ZDHHC24: variants seen among roughly 807,000 people sequenced by gnomAD.
ZDHHC24 encodes the protein probable palmitoyltransferase ZDHHC24.
Under a neutral mutation model 23.2 loss-of-function variants are expected in ZDHHC24, and 17 were observed. The ratio of observed to expected loss-of-function variants is 0.73; its 90% CI spans 0.50 to 1.10. ZDHHC24 has a LOEUF of 1.10. ZDHHC24 is among the 50% of genes least tolerant of loss of function. The probability of loss-of-function intolerance (pLI) is 0.00; values close to 1 mark genes in which losing one functional copy is unlikely to be tolerated. For synonymous variants in ZDHHC24, 186 were observed against 194.5 expected (o/e 0.96, Z 0.36); for missense variants, 366 against 393.0 (o/e 0.93, Z 0.58).
chr11:66,526,877 G>A, intron 4 of ZDHHC24: 1 of 1,612,884 alleles, frequency 6.2e-7, no homozygotes, highest in South Asian at 1.1e-5. Context: ...CTGGGGGAAT[G>A]CTGCCCAGCC....
chr11:66,531,921 C>T (rs1461570922), downstream of ZDHHC24: 8 of 1,568,464 alleles, frequency 5.1e-6, no homozygotes, highest in Non-Finnish European at 6.9e-6. Context: ...GGGGTGTATG[C>T]CCCCTGCTGC....
downstream of ZDHHC24, chr11:66,532,288 C>T (rs1006899523): frequency 5.4e-6 from 3 of 553,518 alleles, no homozygotes; most frequent in Non-Finnish European, 6.5e-6. Flanking sequence ...ACGCCCTCCC[C>T]TCCCCAGCCT....
At chr11:66,524,923 G>A (rs554342441) in intron 4 of ZDHHC24, among the ~76,000 whole-genome samples, 129 of 151,964 alleles carry the variant, frequency 8.5e-4, no homozygotes, top group African/African-American at 3.1e-3. Context: ...GGTATGGGCC[G>A]GGCACGGTGG....
In ZDHHC24 at chr11:66,527,889, A is replaced by G. The variant is rs74367020; in HGVS notation, c.737-883T>C. On this transcript the variant is annotated intron_variant, in intron 3 of 4. Coordinates refer to the ZDHHC24 transcript ENST00000526986. ...AAAGATGATAGCCAGACCCCCAGAC[A>G]GGGCAGGGCAGGGTAATATAGGCAG... 6.9e-3 allele frequency among the ~76,000 whole-genome samples: 1,056 copies of G among 152,192 alleles called. 61 individuals carry two copies. In the East Asian group the frequency reaches 0.14, roughly 20 times the overall value.
chr11:66,529,656 A>G (rs781366189), intron 2 of ZDHHC24, among the ~76,000 whole-genome samples: 2 of 151,834 alleles, frequency 1.3e-5, no homozygotes, highest in Non-Finnish European at 2.9e-5. Context: ...GAGTTTTGCC[A>G]GAAGGCTGGG....
At position 66,546,024 on chromosome 11, in the gene ZDHHC24, G is replaced by A. The variant is rs920330938; in HGVS notation, c.-21C>T. The stretch of plus-strand genomic sequence containing the variant: ...CCCATGGCCTGGACACCCAGCTGTC[G>A]GAGCCGGAGGACTAGGCCGCTTCCG... On this transcript the variant is annotated 5_prime_UTR_variant, in exon 1 of 3. Coordinates refer to ENST00000310442, the MANE Select transcript of ZDHHC24 (RefSeq NM_207340.3). 5.1e-6 allele frequency: 7 copies of A among 1,376,808 alleles called. No individual in the cohort carries two copies. The South Asian group carries it at 8.4e-5, about 17-fold the overall frequency. The allele number at this position is 1,376,808 out of a possible 1,614,324, so 85.3% of individuals were successfully genotyped here. A position where few individuals can be genotyped will look rare whatever the true frequency, so the allele number is the denominator to read the frequency against.
At chr11:66,530,786 TAGG>T, downstream of ZDHHC24, 3 of 1,478,790 alleles carry the variant, frequency 2.0e-6, no homozygotes, top group Admixed American at 1.7e-5. Context: ...GCAGATTGAG[TAGG>T]AGGAGGGGAC....
downstream of ZDHHC24, among the ~76,000 whole-genome samples, chr11:66,534,443 CAAAAAAAAAAAAA>C (rs1158925348): frequency 2.2e-4 from 6 of 26,828 alleles, no homozygotes; most frequent in East Asian, 3.0e-3. Context: ...AACTCTGTCT[CAAAAAAAAAAAAA>C]AAAAAAAAAA....
chr11:66,526,734 C>G, intron 4 of ZDHHC24: 1 of 1,614,224 alleles, frequency 6.2e-7, no homozygotes, highest in East Asian at 2.2e-5. Context: ...CAGCCCAGGC[C>G]ATGAAACTCA....
intron 4 of ZDHHC24, chr11:66,526,677 G>A: frequency 1.2e-6 from 2 of 1,614,218 alleles, no homozygotes; most frequent in Non-Finnish European, 1.7e-6. Flanking sequence ...AGATCCTGAA[G>A]CGTACAGCAG....
intron 2 of ZDHHC24, among the ~76,000 whole-genome samples, chr11:66,542,225 C>T (rs937692595): frequency 6.6e-6 from 1 of 152,072 alleles, no homozygotes; most frequent in Non-Finnish European, 1.5e-5. Context: ...GAAGGCCAGG[C>T]ATAGCCGAGG....
intron 4 of ZDHHC24, among the ~76,000 whole-genome samples, chr11:66,521,930 A>AG (rs1207054911): frequency 9.7e-5 from 12 of 123,472 alleles, no homozygotes; most frequent in Non-Finnish European, 1.7e-4. Context: ...AAAAAAAAGC[A>AG]GGGGGGTGCC....
At chr11:66,530,362 C>T (rs949306399) in intron 2 of ZDHHC24, among the ~76,000 whole-genome samples, 4 of 151,684 alleles carry the variant, frequency 2.6e-5, no homozygotes, top group Non-Finnish European at 4.4e-5. Flanking sequence ...CGGCCTCACC[C>T]GCAAGCACCG....
chr11:66,522,967 A>G (rs1167119279), intron 4 of ZDHHC24: 1 of 359,748 alleles, frequency 2.8e-6, no homozygotes, highest in East Asian at 7.3e-5. Context: ...AAAGTGGGAA[A>G]GACATTGGCG....
In ZDHHC24 at chr11:66,526,609, C is replaced by T. The variant is rs527954704; in HGVS notation, c.*21+327G>A. On this transcript the variant is annotated intron_variant, in intron 4 of 4. Transcript: ENST00000526986. ...AGAAAGAATGGGAATGTGGGTAGAA[C>T]TGGGGAGGACAAATCCATTTCCACT... is the stretch of plus-strand genomic sequence containing the variant. 50 of 1,613,660 alleles carry T rather than the reference C, an allele frequency of 3.1e-5. No individual in the cohort carries two copies. In the South Asian group the frequency reaches 5.2e-4, roughly 17 times the overall value.
At position 66,526,125 on chromosome 11, in the gene ZDHHC24, T is replaced by C; in HGVS notation, c.*21+811A>G. Reference sequence around the variant, plus strand: ...TAAACTCTGACGTCTCCACATAGGATGCAGTGACCAGCCTTTGCTTTGGCC... The same window carrying C: ...TAAACTCTGACGTCTCCACATAGGACGCAGTGACCAGCCTTTGCTTTGGCC... On this transcript the variant is annotated intron_variant, in intron 4 of 4. Coordinates refer to the ZDHHC24 transcript ENST00000526986. 1 of 1,614,204 alleles carries C rather than the reference T, an allele frequency of 6.2e-7. No individual in the cohort carries two copies.
rs2134871411 is a variant in ZDHHC24, at chr11:66,538,603, C to G, written c.*926G>C. ...ACTGTCTTCCCTCCTGTTTTCTTTC[C>G]CTTTGTATTATTTTTGATTTTCTTT... is the stretch of plus-strand genomic sequence containing the variant. On this transcript the variant is annotated 3_prime_UTR_variant, in exon 3 of 3. Transcript: ENST00000310442. The G allele has an allele frequency of 6.6e-6, 1 of 152,216 alleles. No homozygotes were observed. The highest frequency in any genetic ancestry group is 1.9e-4 in the East Asian group (1 of 5,186). 9.4% of individuals were successfully genotyped at this position (152,216 alleles called of 1,614,324 possible). A position where few individuals can be genotyped will look rare whatever the true frequency, so the allele number is the denominator to read the frequency against.
At chr11:66,531,137 C>G, downstream of ZDHHC24, 1 of 1,458,696 alleles carries the variant, frequency 6.9e-7, no homozygotes, top group African/African-American at 1.4e-5. Flanking sequence ...CGGGTGGCTG[C>G]CAGGTGGCCA....
Position 66,545,697 on chromosome 11 carries a change from C to T in ZDHHC24, c.281+26G>A. Reference sequence around the variant, plus strand: ...CCCCTGTCCAAGGCTCCCACTTCTCCCCGCCCGATCCCGCACCCCACTCAC... The same window carrying T: ...CCCCTGTCCAAGGCTCCCACTTCTCTCCGCCCGATCCCGCACCCCACTCAC... On this transcript the variant is annotated intron_variant, in intron 1 of 2. Coordinates refer to ENST00000310442, the MANE Select transcript of ZDHHC24 (RefSeq NM_207340.3). The surrounding 1 kb of genome is among the most constrained non-coding windows in gnomAD (Gnocchi z 4.5). 1 of 1,489,720 alleles carries T rather than the reference C, an allele frequency of 6.7e-7. No homozygotes were observed. The highest frequency in any genetic ancestry group is 1.4e-5 in the African/African-American group (1 of 69,078). The allele number at this position is 1,489,720 out of a possible 1,614,324, so 92.3% of individuals were successfully genotyped here. A position where few individuals can be genotyped will look rare whatever the true frequency, so the allele number is the denominator to read the frequency against.
Sources: gnomAD v4.1 joint callset for allele counts (sites outside exome capture counted in the v4.1 genomes callset) on GRCh38, gnomAD v4.1.1 for gene constraint, Gnocchi (gnomAD v3.1) non-coding constraint, MANE v1.5 for transcripts, NCBI Gene and HGNC (gene_info 2026-07-23, HGNC 2026-07-21) for gene names.